The following SATB2 variants were observed in gnomAD, a reference collection of about 807,000 sequenced individuals.
SATB2 encodes the protein SATB homeobox 2.
In SATB2, 1 loss-of-function variant was observed where a neutral mutation model predicts 73.4. The observed-to-expected ratio is 0.01, with a 90% CI of 0.00 to 0.06. The LOEUF is 0.06. Among genes scored for constraint, SATB2 ranks in the 10% least tolerant of loss-of-function variants. The pLI, the probability that SATB2 is intolerant of heterozygous loss-of-function variation, is 1.00. For synonymous variants in SATB2, 397 were observed against 367.0 expected, an observed-to-expected ratio of 1.08 and a Z score of -0.93; for missense variants, 459 against 945.8, an observed-to-expected ratio of 0.49 and a Z score of 6.75.
At position 199,420,919 on chromosome 2, in the gene SATB2, T is replaced by C. The variant is rs559619673; in HGVS notation, c.346+12419A>G. ...ATTGATATTTTTGGTTACATGAATA[T>C]ATTTTAATAGATAATTTGAGTTCTA... On this transcript the variant is annotated intron_variant, in intron 3 of 10. Coordinates refer to ENST00000417098, the MANE Select transcript of SATB2 (RefSeq NM_001172509.2). 2.0e-5 allele frequency among the ~76,000 whole-genome samples: 3 copies of C among 152,312 alleles called. No individual in the cohort carries two copies. The South Asian group carries it at 6.2e-4, about 32-fold the overall frequency.
intron 10 of SATB2, among the ~76,000 whole-genome samples, chr2:199,291,159 G>A (rs2105742133): frequency 6.6e-6 from 1 of 152,206 alleles, no homozygotes; most frequent in East Asian, 1.9e-4. Context: ...GAGACTTTGT[G>A]AAGAAACAAC....
chr2:199,308,967 G>A lies in SATB2; in HGVS notation c.1543-10C>T. On this transcript the variant is annotated splice_polypyrimidine_tract_variant and intron_variant, in intron 9 of 10. Transcript: ENST00000417098. The surrounding 1 kb of genome is among the most constrained non-coding windows in gnomAD (Gnocchi z 4.6). Reference sequence around the variant, plus strand: ...GTTCACACAGCCAGCCCTGTAGAGAGAGGAGGTCGCTTGCATTAACCTGCA... The same window carrying A: ...GTTCACACAGCCAGCCCTGTAGAGAAAGGAGGTCGCTTGCATTAACCTGCA... 2 of 1,613,336 alleles carry A rather than the reference G, an allele frequency of 1.2e-6. No homozygotes were observed. Among genetic ancestry groups the A allele is most frequent in the Non-Finnish European group, 1.7e-6 (2 of 1,179,376 alleles).
At chr2:199,328,652 T>C (rs1204853295) in intron 8 of SATB2, 46 bp downstream of exon 8, 10 of 1,452,976 alleles carry the variant, frequency 6.9e-6, no homozygotes, top group Non-Finnish European at 3.9e-6. Flanking sequence ...GAAGGCAAGA[T>C]GTTTCCAAGA....
At chr2:199,383,802 C>T (rs1689847996) in intron 3 of SATB2, among the ~76,000 whole-genome samples, 1 of 152,136 alleles carries the variant, frequency 6.6e-6, no homozygotes, top group African/African-American at 2.4e-5. Context: ...TGTAAGAATA[C>T]ACCACACTAC....
intron 9 of SATB2, among the ~76,000 whole-genome samples, chr2:199,318,331 T>G (rs1687791564): frequency 6.6e-6 from 1 of 152,084 alleles, no homozygotes; most frequent in African/African-American, 2.4e-5. Flanking sequence ...ATTAAAGCAC[T>G]TTTTGTGCAA....
At chr2:199,352,487 T>C (rs1484302830) in intron 6 of SATB2, among the ~76,000 whole-genome samples, 1 of 152,204 alleles carries the variant, frequency 6.6e-6, no homozygotes, top group Non-Finnish European at 1.5e-5. Flanking sequence ...ATTCTTTCTA[T>C]CCTTATGAGT....
chr2:199,408,966 T>C (rs1690723391), intron 3 of SATB2, among the ~76,000 whole-genome samples: 1 of 152,132 alleles, frequency 6.6e-6, no homozygotes, highest in South Asian at 2.1e-4. Context: ...TTATGTTTTA[T>C]GGCTCTACGA....
At chr2:199,468,441 C>T (rs188198134), upstream of SATB2, among the ~76,000 whole-genome samples, 3 of 152,252 alleles carry the variant, frequency 2.0e-5, no homozygotes, top group Non-Finnish European at 2.9e-5. Flanking sequence ...CTGGGAGCAC[C>T]GCCTGGCAGG....
intron 1 of SATB2, chr2:199,470,490 C>T (rs1310715148): frequency 6.6e-6 from 1 of 152,290 alleles, no homozygotes; most frequent in African/African-American, 2.4e-5. Context: ...CTCAAAACTG[C>T]CCTCGGCCTG....
At chr2:199,379,481 G>A (rs1017943873) in intron 5 of SATB2, among the ~76,000 whole-genome samples, 10 of 152,170 alleles carry the variant, frequency 6.6e-5, no homozygotes, top group African/African-American at 1.9e-4. Context: ...ACAATCTGGT[G>A]CATCCACTTT....
chr2:199,467,859 C>A (rs1395042096), upstream of SATB2, among the ~76,000 whole-genome samples: 1 of 152,138 alleles, frequency 6.6e-6, no homozygotes. Flanking sequence ...GTGTCCCTGC[C>A]TCCACTGCTC....
intron 7 of SATB2, among the ~76,000 whole-genome samples, chr2:199,335,071 A>G (rs1383368824): frequency 6.6e-6 from 1 of 152,164 alleles, no homozygotes; most frequent in African/African-American, 2.4e-5. Context: ...CCACGAAGCC[A>G]GAGTACTTAG....
chr2:199,309,797 A>G lies in SATB2; in HGVS notation c.1543-840T>C, dbSNP rs533873010. 5.9e-5 allele frequency among the ~76,000 whole-genome samples: 9 copies of G among 152,360 alleles called. No homozygotes were observed. In the South Asian group the frequency reaches 1.7e-3, roughly 28 times the overall value. ...AGCTACATCACTAATTTTAAAAACA[A>G]GAACTGTCCCACATCATGTCTCTTG... On this transcript the variant is annotated intron_variant, in intron 9 of 10. Coordinates refer to ENST00000417098, the MANE Select transcript of SATB2 (RefSeq NM_001172509.2).
In SATB2 at chr2:199,455,425, T is replaced by A. The variant is rs1230634328; in HGVS notation, c.169+444A>T. ...GTCATTCATCTGTCTTGAAGCACTG[T>A]CCTCACTACAAAGTAACATCAACTC... is the stretch of plus-strand genomic sequence containing the variant. On this transcript the variant is annotated intron_variant, in intron 2 of 10. Transcript: ENST00000417098. The surrounding 1 kb of genome is among the most constrained non-coding windows in gnomAD (Gnocchi z 4.1). 1.3e-5 allele frequency among the ~76,000 whole-genome samples: 2 copies of A among 152,224 alleles called. No individual in the cohort carries two copies. The highest frequency in any genetic ancestry group is 2.9e-5 in the Non-Finnish European group (2 of 68,042).
At chr2:199,384,369 C>T (rs763659552) in intron 3 of SATB2, among the ~76,000 whole-genome samples, 4 of 152,184 alleles carry the variant, frequency 2.6e-5, no homozygotes, top group Non-Finnish European at 5.9e-5. Context: ...GGTCTCTGCA[C>T]AGCTATTTAC....
At chr2:199,410,483 C>G (rs937471829) in intron 3 of SATB2, among the ~76,000 whole-genome samples, 1 of 152,176 alleles carries the variant, frequency 6.6e-6, no homozygotes, top group Non-Finnish European at 1.5e-5. Context: ...TACATTTGTG[C>G]CTCGTTGATC....
At chr2:199,458,734 G>T, upstream of SATB2, 1 of 426,280 alleles carries the variant, frequency 2.3e-6, no homozygotes, top group South Asian at 1.6e-5. Context: ...TTTGGAGATA[G>T]GAGGGCGATC....
chr2:199,340,904 T>C (rs1038540999), intron 7 of SATB2, among the ~76,000 whole-genome samples: 13 of 152,160 alleles, frequency 8.5e-5, no homozygotes, highest in Non-Finnish European at 1.8e-4. Context: ...ACAATGTTAG[T>C]AAAAGGGGGA....
rs1313731869 is a variant in SATB2 at position 199,381,765 on chromosome 2, T to C, written c.402A>G (p.Ala134=). The change falls in exon 4 of 11, where the codon GCA becomes GCG. Residue 134 remains alanine, a synonymous_variant. Coordinates refer to ENST00000417098, the MANE Select transcript of SATB2 (RefSeq NM_001172509.2). The part of the protein sequence containing the change: ...NPLPLSYVTD[A]PDATVADMLQ... ...GCATGTCGGCCACTGTCGCGTCGGG[T>C]GCATCTGTCACATAACTGAGGGGGA... 1 of 1,614,090 alleles carries C rather than the reference T, an allele frequency of 6.2e-7. No homozygotes were observed. Among genetic ancestry groups the C allele is most frequent in the East Asian group, 2.2e-5 (1 of 44,878 alleles).
Sources: allele counts gnomAD v4.1 joint callset (sites outside exome capture counted in the v4.1 genomes callset), GRCh38; gene constraint gnomAD v4.1.1; non-coding constraint Gnocchi (gnomAD v3.1); transcripts MANE v1.5; gene names NCBI Gene and HGNC (gene_info 2026-07-23, HGNC 2026-07-21).